RIMS2: variants seen among roughly 807,000 people sequenced by gnomAD.
RIMS2 encodes regulating synaptic membrane exocytosis 2.
Under a neutral mutation model 174.4 loss-of-function variants are expected in RIMS2, and 59 were observed. The observed-to-expected ratio is 0.34, with a 90% CI of 0.27 to 0.42. The LOEUF (loss-of-function observed/expected upper bound fraction) is 0.42. Among genes scored for constraint, RIMS2 ranks in the 10% least tolerant of loss-of-function variants. The pLI is 1.00. For missense variants in RIMS2, 1,620 were observed against 1,666.3 expected, an observed-to-expected ratio of 0.97 and a Z score of 0.48; for synonymous variants, 606 against 572.5, an observed-to-expected ratio of 1.06 and a Z score of -0.84.
chr8:103,974,902 G>A (rs1194606307), intron 15 of RIMS2, among the ~76,000 whole-genome samples: 9 of 151,910 alleles, frequency 5.9e-5, no homozygotes. Flanking sequence ...TATTCAGCAT[G>A]TTTTCTAAAA....
chr8:103,879,901 A>AT (rs910031604), intron 3 of RIMS2, among the ~76,000 whole-genome samples: 2 of 151,514 alleles, frequency 1.3e-5, no homozygotes, highest in Non-Finnish European at 3.0e-5. Flanking sequence ...ATTCTTTTTA[A>AT]TTTTTTTTAA....
chr8:104,071,671 C>T (rs1471709449), intron 19 of RIMS2, among the ~76,000 whole-genome samples: 2 of 152,098 alleles, frequency 1.3e-5, no homozygotes, highest in Non-Finnish European at 2.9e-5. Context: ...CTACTGACCT[C>T]GTGATCTGCC....
intron 2 of RIMS2, among the ~76,000 whole-genome samples, chr8:103,703,438 A>G (rs886502670): frequency 6.6e-6 from 1 of 152,000 alleles, no homozygotes; most frequent in Admixed American, 6.6e-5. Flanking sequence ...GGGTTTCGCC[A>G]TATTGGTTAG....
At chr8:104,058,855 G>T (rs1290990866) in intron 19 of RIMS2, among the ~76,000 whole-genome samples, 2 of 152,060 alleles carry the variant, frequency 1.3e-5, no homozygotes, top group Admixed American at 1.3e-4. Flanking sequence ...TTTTTCTCAG[G>T]TTTGCCAAAG....
intron 1 of RIMS2, among the ~76,000 whole-genome samples, chr8:103,678,880 C>T (rs1371324946): frequency 6.6e-6 from 1 of 151,898 alleles, no homozygotes; most frequent in South Asian, 2.1e-4. Context: ...GTAATCCATA[C>T]AGGTGGTTAC....
intron 19 of RIMS2, among the ~76,000 whole-genome samples, chr8:104,135,719 A>T (rs2098514110): frequency 6.6e-6 from 1 of 151,502 alleles, no homozygotes; most frequent in African/African-American, 2.4e-5. Context: ...ATGTCTTATG[A>T]GGAGGGATAC....
chr8:103,606,809 G>A (rs2095114904), intron 1 of RIMS2, among the ~76,000 whole-genome samples: 2 of 151,646 alleles, frequency 1.3e-5, no homozygotes, highest in Non-Finnish European at 2.9e-5. Context: ...TTTTATCAGA[G>A]ACTAGGATTG....
At chr8:103,663,608 A>C (rs34903423) in intron 1 of RIMS2, among the ~76,000 whole-genome samples, 17,629 of 152,230 alleles carry the variant, frequency 0.12, 1,347 homozygotes, top group Non-Finnish European at 0.17. Context: ...GAGAACTACA[A>C]ACCACTGCTC....
At chr8:104,101,840 T>G (rs973640260) in intron 19 of RIMS2, among the ~76,000 whole-genome samples, 1 of 152,170 alleles carries the variant, frequency 6.6e-6, no homozygotes, top group Non-Finnish European at 1.5e-5. Flanking sequence ...CAAACTTTAT[T>G]TAGAATTTGA....
intron 17 of RIMS2, among the ~76,000 whole-genome samples, chr8:103,999,807 T>A (rs2095305867): frequency 6.6e-6 from 1 of 151,798 alleles, no homozygotes; most frequent in Admixed American, 6.6e-5. Context: ...TAGTTCTTGA[T>A]CATCTCAATT....
At chr8:104,255,774 G>T, downstream of RIMS2, 1 of 152,226 alleles carries the variant, frequency 6.6e-6, no homozygotes, top group East Asian at 1.9e-4. Flanking sequence ...GGGCATTTAT[G>T]CACTGAAGAA....
intron 19 of RIMS2, among the ~76,000 whole-genome samples, chr8:104,145,813 A>T (rs1039936464): frequency 6.6e-6 from 1 of 151,934 alleles, no homozygotes. Flanking sequence ...GGTGAGCTAG[A>T]TCGCGCCATT....
chr8:104,252,345 C>T (rs1236984084), downstream of RIMS2: 1 of 159,146 alleles, frequency 6.3e-6, no homozygotes, highest in Non-Finnish European at 1.4e-5. Flanking sequence ...GCAGTCAGTC[C>T]AGCAGGAAGA....
chr8:104,149,818 A>G (rs568621893), intron 19 of RIMS2, among the ~76,000 whole-genome samples: 1 of 152,240 alleles, frequency 6.6e-6, no homozygotes, highest in African/African-American at 2.4e-5. Flanking sequence ...TGCAAACCGT[A>G]CTTGTGATTC....
At chr8:103,626,255 C>G (rs1367674336) in intron 1 of RIMS2, among the ~76,000 whole-genome samples, 1 of 152,006 alleles carries the variant, frequency 6.6e-6, no homozygotes, top group East Asian at 1.9e-4. Flanking sequence ...TGAAGATATT[C>G]AATTCTTAAT....
Position 103,567,641 on chromosome 8 carries a change from G to A in RIMS2, c.176+66579G>A, listed in dbSNP as rs114345063. ...TGTGAACATTTATGTACAAGTTTTT[G>A]TGTAGGTGTGTATTTTCATTGTGCT... is the stretch of plus-strand genomic sequence containing the variant. On this transcript the variant is annotated intron_variant, in intron 1 of 23. Transcript: ENST00000504942. Among the ~76,000 whole-genome samples the A allele has an allele frequency of 7.1e-3, 1,082 of 152,224 alleles. 21 individuals carry two copies. The highest frequency in any genetic ancestry group is 0.025 in the African/African-American group (1,021 of 41,538).
chr8:104,043,371 AG>A (rs1226787608), intron 19 of RIMS2, among the ~76,000 whole-genome samples: 2 of 151,620 alleles, frequency 1.3e-5, no homozygotes, highest in East Asian at 3.9e-4. Flanking sequence ...TGGTTCTCTA[AG>A]ATTGTGTAAT....
At chr8:104,155,724 G>A (rs2098719764) in intron 19 of RIMS2, among the ~76,000 whole-genome samples, 2 of 152,056 alleles carry the variant, frequency 1.3e-5, no homozygotes, top group Non-Finnish European at 1.5e-5. Flanking sequence ...GGGGGTGTTA[G>A]TTTCAACTAC....
chr8:103,725,126 C>T (rs117118027), intron 2 of RIMS2, among the ~76,000 whole-genome samples: 8 of 152,256 alleles, frequency 5.3e-5, no homozygotes, highest in East Asian at 3.9e-4. Context: ...GATTACAACT[C>T]CTATCTCCCC....
Sources: allele counts gnomAD v4.1 joint callset (sites outside exome capture counted in the v4.1 genomes callset), GRCh38; gene constraint gnomAD v4.1.1; transcripts MANE v1.5; gene names NCBI Gene and HGNC (gene_info 2026-07-23, HGNC 2026-07-21).